CNTN3: variants seen among roughly 807,000 people sequenced by gnomAD.
The protein encoded by CNTN3 is contactin-3.
Under a neutral mutation model 119.1 loss-of-function variants are expected in CNTN3, and 60 were observed. That is an observed-to-expected ratio of 0.50 (90% CI 0.41 to 0.62). The LOEUF (loss-of-function observed/expected upper bound fraction) is 0.62. Ranked by LOEUF, CNTN3 falls within the 20% of genes least tolerant of loss-of-function variation. The pLI is 0.00. For missense variants in CNTN3, 1,101 were observed against 1,242.4 expected, an observed-to-expected ratio of 0.89 and a Z score of 1.71; for synonymous variants, 450 against 438.7, an observed-to-expected ratio of 1.03 and a Z score of -0.32.
chr3:74,454,185 CT>C (rs1384101846), intron 4 of CNTN3, among the ~76,000 whole-genome samples: 4 of 128,766 alleles, frequency 3.1e-5, no homozygotes, highest in Non-Finnish European at 6.6e-5. Flanking sequence ...CTTTATGAAT[CT>C]GGGTGCTCCT....
At chr3:74,407,914 T>C (rs1701364151) in intron 5 of CNTN3, among the ~76,000 whole-genome samples, 1 of 152,198 alleles carries the variant, frequency 6.6e-6, no homozygotes, top group African/African-American at 2.4e-5. Context: ...CTCTCCTGTA[T>C]GATAGGAAAC....
intron 13 of CNTN3, among the ~76,000 whole-genome samples, chr3:74,321,307 TTA>T (rs1286375554): frequency 6.6e-6 from 1 of 152,156 alleles, no homozygotes; most frequent in African/African-American, 2.4e-5. Flanking sequence ...TTTGTATATA[TTA>T]TATGATTTTA....
intron 1 of CNTN3, among the ~76,000 whole-genome samples, chr3:74,580,847 T>C (rs1704493895): frequency 6.6e-6 from 1 of 152,168 alleles, no homozygotes; most frequent in East Asian, 1.9e-4. Flanking sequence ...GCCTCCCATG[T>C]AGCTGGGACT....
intron 5 of CNTN3, among the ~76,000 whole-genome samples, chr3:74,405,080 C>A (rs1186062378): frequency 1.3e-5 from 2 of 151,998 alleles, no homozygotes; most frequent in African/African-American, 2.4e-5. Context: ...GATTTATATA[C>A]GGTTTCTGTC....
chr3:74,443,131 C>T (rs1469930610), intron 4 of CNTN3, among the ~76,000 whole-genome samples: 2 of 152,146 alleles, frequency 1.3e-5, no homozygotes, highest in Admixed American at 6.5e-5. Flanking sequence ...AGGACAGTAG[C>T]AGCTTTAAGG....
At chr3:74,608,819 T>C (rs912564660) in intron 1 of CNTN3, among the ~76,000 whole-genome samples, 1 of 152,194 alleles carries the variant, frequency 6.6e-6, no homozygotes, top group Admixed American at 6.6e-5. Flanking sequence ...GAAAAGCAGA[T>C]ATTAAACAAT....
chr3:74,414,877 CTTTTTT>C (rs71129747), intron 5 of CNTN3, among the ~76,000 whole-genome samples: 4 of 117,120 alleles, frequency 3.4e-5, no homozygotes, highest in African/African-American at 1.3e-4. Flanking sequence ...TTCCTATAGT[CTTTTTT>C]TTTTTTTTTT....
intron 1 of CNTN3, among the ~76,000 whole-genome samples, chr3:74,595,973 A>G (rs1184597249): frequency 6.6e-6 from 1 of 151,964 alleles, no homozygotes. Context: ...CCTTAAGATG[A>G]TAAGCAACTT....
At chr3:74,442,174 CACAGAGAGAG>C (rs1169579982) in intron 4 of CNTN3, among the ~76,000 whole-genome samples, 3 of 113,780 alleles carry the variant, frequency 2.6e-5, no homozygotes, top group African/African-American at 8.8e-5. Flanking sequence ...CACACACACA[CACAGAGAGAG>C]AGAGATTATT....
intron 19 of CNTN3, among the ~76,000 whole-genome samples, chr3:74,285,814 TATATATATATATATATATATATATAA>T (rs1702103412): frequency 1.7e-5 from 2 of 117,174 alleles, no homozygotes; most frequent in African/African-American, 8.1e-5. Context: ...TATATATATA[TATATATATATATATATATATATATAA>T]AATTAAAAAT....
At chr3:74,300,211 G>A (rs908577083) in intron 16 of CNTN3, among the ~76,000 whole-genome samples, 2 of 152,100 alleles carry the variant, frequency 1.3e-5, no homozygotes, top group Non-Finnish European at 2.9e-5. Flanking sequence ...TACTTTGCTA[G>A]TATGAGACTT....
chr3:74,556,334 C>T (rs1704068935), intron 1 of CNTN3, among the ~76,000 whole-genome samples: 2 of 152,096 alleles, frequency 1.3e-5, no homozygotes, highest in Admixed American at 6.6e-5. Context: ...CACCAGAAAC[C>T]ATTCATTTAT....
intron 11 of CNTN3, among the ~76,000 whole-genome samples, chr3:74,352,593 A>G (rs1290864928): frequency 6.6e-6 from 1 of 152,148 alleles, no homozygotes; most frequent in East Asian, 1.9e-4. Context: ...GGGCTTTTTG[A>G]CGGCTCCTTG....
In CNTN3 at chr3:74,600,035, G is replaced by A. The variant is rs187012854; in HGVS notation, c.-81+14356C>T. Reference sequence around the variant, plus strand: ...GAAAAGGAAAGCACAGTTGGTTGATGACAGTTTTTTATTTATCTCCATGTT... The same window carrying A: ...GAAAAGGAAAGCACAGTTGGTTGATAACAGTTTTTTATTTATCTCCATGTT... On this transcript the variant is annotated intron_variant, in intron 1 of 22. Transcript: ENST00000263665. 2.9e-3 allele frequency among the ~76,000 whole-genome samples: 441 copies of A among 151,786 alleles called. 1 individual carries two copies. Among genetic ancestry groups the A allele is most frequent in the African/African-American group, 0.01 (420 of 41,136 alleles).
intron 13 of CNTN3, among the ~76,000 whole-genome samples, chr3:74,306,592 C>T (rs1702567810): frequency 1.3e-5 from 2 of 152,086 alleles, no homozygotes; most frequent in South Asian, 4.1e-4. Context: ...AAAACTTCCC[C>T]TCAAAGCCCA....
At chr3:74,483,664 G>A (rs1426254296) in intron 4 of CNTN3, among the ~76,000 whole-genome samples, 1 of 151,974 alleles carries the variant, frequency 6.6e-6, no homozygotes, top group Non-Finnish European at 1.5e-5. Context: ...TTTCTCTGTG[G>A]GACTTGGAGT....
intron 4 of CNTN3, among the ~76,000 whole-genome samples, chr3:74,437,601 A>G (rs1178221229): frequency 6.6e-6 from 1 of 152,250 alleles, no homozygotes; most frequent in East Asian, 1.9e-4. Flanking sequence ...ACAATACTAA[A>G]GTTTAAAACA....
chr3:74,338,298 A>G (rs1289208750), intron 11 of CNTN3, among the ~76,000 whole-genome samples: 1 of 152,048 alleles, frequency 6.6e-6, no homozygotes, highest in African/African-American at 2.4e-5. Flanking sequence ...TTATTGCAAA[A>G]TTTTTAGGTG....
At chr3:74,437,259 C>A (rs1701882788) in intron 4 of CNTN3, among the ~76,000 whole-genome samples, 1 of 152,060 alleles carries the variant, frequency 6.6e-6, no homozygotes, top group Admixed American at 6.6e-5. Flanking sequence ...GAGATTGAGA[C>A]CGTCCTGGTT....
Sources: allele counts gnomAD v4.1 joint callset (sites outside exome capture counted in the v4.1 genomes callset), GRCh38; gene constraint gnomAD v4.1.1; transcripts MANE v1.5; gene names NCBI Gene and HGNC (gene_info 2026-07-23, HGNC 2026-07-21).